SGK1: variants seen among roughly 807,000 people sequenced by gnomAD.
The protein encoded by SGK1 is serine/threonine-protein kinase Sgk1.
SGK1 carries 26 observed loss-of-function variants against 64.2 expected under a neutral mutation model. The ratio of observed to expected loss-of-function variants is 0.40; its 90% confidence interval spans 0.30 to 0.56. The LOEUF is 0.56. SGK1 is among the 20% of genes least tolerant of loss of function. SGK1 has a pLI of 0.38. For missense variants in SGK1, 519 were observed against 645.6 expected (o/e 0.80, Z 2.12); for synonymous variants, 265 against 239.7 (o/e 1.11, Z -0.98).
intron 1 of SGK1, among the ~76,000 whole-genome samples, chr6:134,274,308 A>G (rs1002920798): frequency 6.6e-6 from 1 of 152,128 alleles, no homozygotes; most frequent in African/African-American, 2.4e-5. Context: ...CCAGCCTCAA[A>G]TGTGTTTTTC....
At chr6:134,234,232 T>C (rs1243254439) in intron 2 of SGK1, among the ~76,000 whole-genome samples, 1 of 152,142 alleles carries the variant, frequency 6.6e-6, no homozygotes, top group Non-Finnish European at 1.5e-5. Flanking sequence ...TGAAACCCCA[T>C]CTCTACTAAA....
At chr6:134,255,730 G>A (rs563531293) in intron 2 of SGK1, among the ~76,000 whole-genome samples, 73 of 151,656 alleles carry the variant, frequency 4.8e-4, no homozygotes, top group African/African-American at 1.6e-3. Flanking sequence ...GATTACAGGC[G>A]CCCGCCACCA....
At chr6:134,245,066 A>G (rs940925229) in intron 2 of SGK1, among the ~76,000 whole-genome samples, 5 of 152,210 alleles carry the variant, frequency 3.3e-5, no homozygotes, top group African/African-American at 4.8e-5. Flanking sequence ...GTGAGCCACC[A>G]TGCCCTGCCT....
chr6:134,225,708 T>C lies in SGK1; in HGVS notation c.286-18277A>G, dbSNP rs556873233. ...CCATTTCTGTGGGGAAGGGGAGTCA[T>C]GGACAAGTTAGCCTTTAAAATCTTA... is the stretch of plus-strand genomic sequence containing the variant. On this transcript the variant is annotated intron_variant, in intron 2 of 13. Coordinates refer to ENST00000367858, the MANE Select transcript of SGK1 (RefSeq NM_001143676.3). 2.0e-5 allele frequency among the ~76,000 whole-genome samples: 3 copies of C among 152,232 alleles called. No homozygotes were observed. The South Asian group carries it at 6.2e-4, about 32-fold the overall frequency.
chr6:134,250,439 A>C (rs1313775760), intron 2 of SGK1, among the ~76,000 whole-genome samples: 5 of 152,196 alleles, frequency 3.3e-5, no homozygotes, highest in Non-Finnish European at 5.9e-5. Context: ...TTGCCTAAAA[A>C]TAGTTTGATT....
At chr6:134,277,725 C>T (rs912733699) in intron 1 of SGK1, among the ~76,000 whole-genome samples, 7 of 152,090 alleles carry the variant, frequency 4.6e-5, no homozygotes, top group South Asian at 4.1e-4. Context: ...TCTTAAACTC[C>T]GTAATAACCT....
chr6:134,291,051 G>A (rs1777256640), intron 1 of SGK1, among the ~76,000 whole-genome samples: 1 of 152,140 alleles, frequency 6.6e-6, no homozygotes, highest in African/African-American at 2.4e-5. Flanking sequence ...GCCACATTAA[G>A]GGTTTGCAAT....
At position 134,204,016 on chromosome 6, in the gene SGK1, C is replaced by T. The variant is rs151280979; in HGVS notation, c.361+3340G>A. ...GAGGCAGAGGTTGCAGTGAGCCGAGCCGAGATCATGCCATTGCACTCCAGC... is the reference window on the plus strand; with the variant it reads ...GAGGCAGAGGTTGCAGTGAGCCGAGTCGAGATCATGCCATTGCACTCCAGC... On this transcript the variant is annotated intron_variant, in intron 3 of 13. Coordinates refer to ENST00000367858, the MANE Select transcript of SGK1 (RefSeq NM_001143676.3). Among the ~76,000 whole-genome samples the T allele has an allele frequency of 6.9e-3, 1,050 of 151,188 alleles. 5 individuals carry two copies. Among genetic ancestry groups the T allele is most frequent in the Middle Eastern group, 0.01 (3 of 292 alleles).
intron 1 of SGK1, among the ~76,000 whole-genome samples, chr6:134,303,116 A>G (rs1964994): frequency 0.5 from 76,121 of 151,830 alleles, 19,828 homozygotes; most frequent in East Asian, 0.9. Flanking sequence ...CTTAGAGGCC[A>G]GGCACAGTGG....
rs545450096 is a variant in SGK1 at position 134,283,379 on chromosome 6, TACTC to T, written c.70-21235_70-21232del. 1.4e-3 allele frequency among the ~76,000 whole-genome samples: 206 copies of T among 152,028 alleles called. 1 individual carries two copies. In the South Asian group the frequency reaches 0.022, roughly 16 times the overall value. On this transcript the variant is annotated intron_variant, in intron 1 of 13. Coordinates refer to ENST00000367858, the MANE Select transcript of SGK1 (RefSeq NM_001143676.3). ...GGTGGCACGTGCCTGTAATCCCAGT[TACTC>T]AGGAGGCTGAGGTGAGAGAATTGCT...
At chr6:134,277,193 G>A (rs1562272362) in intron 1 of SGK1, among the ~76,000 whole-genome samples, 4 of 152,024 alleles carry the variant, frequency 2.6e-5, no homozygotes, top group Admixed American at 2.6e-4. Context: ...GTGGTAGTGG[G>A]TGCCTTTAAT....
At chr6:134,171,514 G>T in intron 11 of SGK1, 123 bp downstream of exon 11, 1 of 667,730 alleles carries the variant, frequency 1.5e-6, no homozygotes. Flanking sequence ...TAACCAATAT[G>T]CCTCTTAGCT....
intron 2 of SGK1, among the ~76,000 whole-genome samples, chr6:134,241,073 A>T (rs1403370756): frequency 7.2e-6 from 1 of 138,224 alleles, no homozygotes. Flanking sequence ...TTTTTGAGAC[A>T]GGGTCCAGTT....
rs148587417 is a variant in SGK1, at chr6:134,317,660, C to A, written c.-200G>T. 27 of 587,406 alleles carry A rather than the reference C, an allele frequency of 4.6e-5. 1 individual carries two copies. The highest frequency in any genetic ancestry group is 4.5e-4 in the Middle Eastern group (1 of 2,208). The allele number at this position is 587,406 out of a possible 1,614,324, so 36.4% of individuals were successfully genotyped here. On this transcript the variant is annotated 5_prime_UTR_variant, in exon 1 of 14. Transcript: ENST00000367858. ...ACCTCTCCCCACTTTCAGTTGCCACCGACAGCGGCTTTTCTCCTTCCATCA... is the reference window on the plus strand; with the variant it reads ...ACCTCTCCCCACTTTCAGTTGCCACAGACAGCGGCTTTTCTCCTTCCATCA...
At chr6:134,263,134 T>C (rs779421672) in intron 1 of SGK1, among the ~76,000 whole-genome samples, 33 of 152,334 alleles carry the variant, frequency 2.2e-4, no homozygotes, top group Middle Eastern at 3.4e-3. Flanking sequence ...ATGACAGAAA[T>C]TTAGTTCACA....
intron 2 of SGK1, among the ~76,000 whole-genome samples, chr6:134,244,754 C>T (rs780253668): frequency 2.5e-4 from 38 of 152,302 alleles, no homozygotes; most frequent in Non-Finnish European, 4.4e-4. Context: ...AGAGCTGTTC[C>T]TATTCGGCCA....
chr6:134,195,249 AGTT>A (rs1213879184), intron 3 of SGK1, among the ~76,000 whole-genome samples: 1 of 152,248 alleles, frequency 6.6e-6, no homozygotes. Flanking sequence ...AAACACTGTT[AGTT>A]TAGCCTTTAG....
chr6:134,317,580 T>C lies in SGK1; in HGVS notation c.-120A>G, dbSNP rs906160241. Reference sequence around the variant, plus strand: ...AATGAAGACTGAGCGGGATGGAGAATCTAGCGGGGCTCAGTTCTTCACTCG... The same window carrying C: ...AATGAAGACTGAGCGGGATGGAGAACCTAGCGGGGCTCAGTTCTTCACTCG... On this transcript the variant is annotated 5_prime_UTR_variant, in exon 1 of 14. Coordinates refer to ENST00000367858, the MANE Select transcript of SGK1 (RefSeq NM_001143676.3). 2.0e-5 allele frequency: 15 copies of C among 741,672 alleles called. No homozygotes were observed. The highest frequency in any genetic ancestry group is 2.5e-6 in the Non-Finnish European group (1 of 401,750). The allele number at this position is 741,672 out of a possible 1,614,324, so 45.9% of individuals were successfully genotyped here. A position where few individuals can be genotyped will look rare whatever the true frequency, so the allele number is the denominator to read the frequency against.
chr6:134,177,636 G>A, intron 3 of SGK1: 1 of 1,601,694 alleles, frequency 6.2e-7, no homozygotes, highest in Non-Finnish European at 8.6e-7. Context: ...TGAGGCATCT[G>A]CAAAATATAG....
Sources: gnomAD v4.1 joint callset for allele counts (sites outside exome capture counted in the v4.1 genomes callset) on GRCh38, gnomAD v4.1.1 for gene constraint, MANE v1.5 for transcripts, NCBI Gene and HGNC (gene_info 2026-07-23, HGNC 2026-07-21) for gene names.